Variants in UBR1 observed in about 807,000 individuals in gnomAD.
UBR1 encodes the protein ubiquitin protein ligase E3 component n-recognin 1, also known as E3 ubiquitin-protein ligase UBR1.
A neutral mutation model predicts 242.1 loss-of-function variants in UBR1; 102 were observed. The ratio of observed to expected loss-of-function variants is 0.42; its 90% CI spans 0.36 to 0.50. The LOEUF (loss-of-function observed/expected upper bound fraction) is 0.50. Among genes scored for constraint, UBR1 ranks in the 20% least tolerant of loss-of-function variants. UBR1 has a pLI of 0.01. For missense variants in UBR1, 1,772 were observed against 2,101.8 expected (o/e 0.84, Z 3.07); for synonymous variants, 675 against 684.8 (o/e 0.99, Z 0.22).
rs1596144319 is a variant in UBR1 at position 43,099,252 on chromosome 15, G to A, written c.81+6690C>T. 2.0e-5 allele frequency among the ~76,000 whole-genome samples: 3 copies of A among 152,088 alleles called. No homozygotes were observed. The South Asian group carries it at 6.2e-4, about 32-fold the overall frequency. On this transcript the variant is annotated intron_variant, in intron 1 of 46. Coordinates refer to ENST00000290650, the MANE Select transcript of UBR1 (RefSeq NM_174916.3). ...CTCGGGAGGCTGAGGCAAGAGAATT[G>A]CTTGAACCCAGGAGGCAGAGGTTTC...
chr15:43,018,250 C>T (rs1176751031), intron 27 of UBR1, among the ~76,000 whole-genome samples: 1 of 152,178 alleles, frequency 6.6e-6, no homozygotes, highest in African/African-American at 2.4e-5. Context: ...ATCCGCCCAC[C>T]TCAGCCTCCC....
intron 1 of UBR1, among the ~76,000 whole-genome samples, chr15:43,086,982 C>A (rs1276148579): frequency 6.6e-6 from 1 of 152,102 alleles, no homozygotes; most frequent in African/African-American, 2.4e-5. Context: ...GCACTTCAGC[C>A]TCGACAACAC....
At chr15:42,989,037 C>T in intron 34 of UBR1, 70 bp from the exon 35 acceptor site, 1 of 1,318,882 alleles carries the variant, frequency 7.6e-7, no homozygotes, top group Non-Finnish European at 1.1e-6. Flanking sequence ...CCAATTAAGT[C>T]CTGAAGCAAC....
intron 41 of UBR1, among the ~76,000 whole-genome samples, chr15:42,964,979 T>G (rs940690458): frequency 2.6e-5 from 4 of 152,226 alleles, no homozygotes; most frequent in Non-Finnish European, 5.9e-5. Flanking sequence ...ATTATATGTA[T>G]TTCTCTATTT....
At chr15:42,955,915 A>G (rs576634249) in intron 44 of UBR1, among the ~76,000 whole-genome samples, 5 of 152,346 alleles carry the variant, frequency 3.3e-5, no homozygotes, top group African/African-American at 9.6e-5. Flanking sequence ...GTCACACACA[A>G]TGTTAAAAAT....
chr15:42,948,211 G>A (rs1379408598), intron 46 of UBR1, among the ~76,000 whole-genome samples: 12 of 152,120 alleles, frequency 7.9e-5, no homozygotes, highest in Non-Finnish European at 4.4e-5. Context: ...ATGGTGCTGG[G>A]AAAACTGGCT....
intron 36 of UBR1, among the ~76,000 whole-genome samples, chr15:42,984,449 G>A (rs1270579505): frequency 6.6e-6 from 1 of 152,158 alleles, no homozygotes; most frequent in Non-Finnish European, 1.5e-5. Context: ...GCCTGGGGCA[G>A]GAGTAGAGTC....
intron 19 of UBR1, among the ~76,000 whole-genome samples, chr15:43,035,861 T>C (rs968442969): frequency 6.9e-6 from 1 of 144,462 alleles, no homozygotes; most frequent in Non-Finnish European, 1.5e-5. Flanking sequence ...TTCTCACTCA[T>C]AGGTGGGAAT....
At chr15:43,012,767 C>CT (rs955646190) in intron 29 of UBR1, among the ~76,000 whole-genome samples, 1 of 152,122 alleles carries the variant, frequency 6.6e-6, no homozygotes, top group African/African-American at 2.4e-5. Context: ...ACCTTCATAT[C>CT]TTTTTATTTT....
At chr15:43,004,810 G>A (rs541001229) in intron 30 of UBR1, among the ~76,000 whole-genome samples, 203 of 152,328 alleles carry the variant, frequency 1.3e-3, no homozygotes, top group African/African-American at 4.8e-3. Flanking sequence ...CCCCGTCTGG[G>A]AAGTGAGGAG....
rs539689542 is a variant in UBR1, at chr15:43,091,981, G to A, written c.82-5741C>T. 4.0e-5 allele frequency: 18 copies of A among 452,470 alleles called. 1 individual carries two copies. The highest frequency in any genetic ancestry group is 2.6e-4 in the South Asian group (17 of 64,204). 28.0% of individuals were successfully genotyped at this position (452,470 alleles called of 1,614,324 possible). A position where few individuals can be genotyped will look rare whatever the true frequency, so the allele number is the denominator to read the frequency against. ...CATACCTGTGGTCCCAGCTATTCGGGAGGCTGAGGTGGGAGAATTGCTTGA... is the reference window on the plus strand; with the variant it reads ...CATACCTGTGGTCCCAGCTATTCGGAAGGCTGAGGTGGGAGAATTGCTTGA... On this transcript the variant is annotated intron_variant, in intron 1 of 46. Transcript: ENST00000290650.
At chr15:42,964,295 C>G (rs948084388) in intron 41 of UBR1, among the ~76,000 whole-genome samples, 1 of 151,956 alleles carries the variant, frequency 6.6e-6, no homozygotes, top group African/African-American at 2.4e-5. Context: ...CATGGAGAAA[C>G]CCCATCTCTA....
In UBR1 at chr15:42,944,636, TG is replaced by T. The variant is rs2031703337; in HGVS notation, c.*692del. ...CAACAAAGCTACTGGTAGTCAGAGG[TG>T]AGAACTGCAAGCTCTTTGTACCGTC... On this transcript the variant is annotated 3_prime_UTR_variant, in exon 47 of 47. Transcript: ENST00000290650. The T allele has an allele frequency of 6.6e-6, 1 of 152,234 alleles. No homozygotes were observed. Among genetic ancestry groups the T allele is most frequent in the African/African-American group, 2.4e-5 (1 of 41,426 alleles). The allele number at this position is 152,234 out of a possible 1,614,324, so 9.4% of individuals were successfully genotyped here.
At chr15:42,979,106 G>A (rs2032335837) in intron 37 of UBR1, among the ~76,000 whole-genome samples, 1 of 151,830 alleles carries the variant, frequency 6.6e-6, no homozygotes, top group Non-Finnish European at 1.5e-5. Context: ...TGTTGGCCAG[G>A]ATGGTCTCGA....
chr15:42,993,357 T>C (rs2032585134), intron 33 of UBR1, among the ~76,000 whole-genome samples: 1 of 151,998 alleles, frequency 6.6e-6, no homozygotes, highest in African/African-American at 2.4e-5. Flanking sequence ...TTGGATTTTA[T>C]GAAATGTCTT....
chr15:43,098,264 T>C (rs1167786000), intron 1 of UBR1, among the ~76,000 whole-genome samples: 1 of 152,112 alleles, frequency 6.6e-6, no homozygotes, highest in East Asian at 1.9e-4. Context: ...CCCAAAACAA[T>C]TACAATAGTA....
chr15:43,001,145 ATTC>A (rs1341739739), intron 32 of UBR1, among the ~76,000 whole-genome samples: 1 of 146,966 alleles, frequency 6.8e-6, no homozygotes, highest in Admixed American at 6.8e-5. Flanking sequence ...GGTTAGAGCA[ATTC>A]TTTTTTTTTT....
intron 4 of UBR1, among the ~76,000 whole-genome samples, chr15:43,072,470 A>T (rs947069848): frequency 6.6e-6 from 1 of 152,220 alleles, no homozygotes; most frequent in Non-Finnish European, 1.5e-5. Context: ...CGTCCTCTGC[A>T]AACAGAGCTA....
At chr15:42,977,039 C>A (rs564723320) in intron 38 of UBR1, among the ~76,000 whole-genome samples, 172 bp from the exon 39 acceptor site, 1 of 152,172 alleles carries the variant, frequency 6.6e-6, no homozygotes, top group African/African-American at 2.4e-5. Context: ...ATATAATGTA[C>A]CATAAATGGA....
Sources: allele counts gnomAD v4.1 joint callset (sites outside exome capture counted in the v4.1 genomes callset), GRCh38; gene constraint gnomAD v4.1.1; transcripts MANE v1.5; gene names NCBI Gene and HGNC (gene_info 2026-07-23, HGNC 2026-07-21).